Variants in PRDM1 observed in about 807,000 individuals in gnomAD.
PRDM1 encodes the protein PR/SET domain 1, also known as PR domain zinc finger protein 1.
PRDM1 carries 13 observed loss-of-function variants against 62.8 expected under a neutral mutation model. The observed-to-expected ratio is 0.21, with a 90% CI of 0.13 to 0.33. The LOEUF is 0.33. Ranked by LOEUF, PRDM1 falls within the 10% of genes least tolerant of loss-of-function variation. The probability of loss-of-function intolerance (pLI) is 1.00; values close to 1 mark genes in which losing one functional copy is unlikely to be tolerated. For missense variants in PRDM1, 895 were observed against 1,058.8 expected, an observed-to-expected ratio of 0.85 and a Z score of 2.15; for synonymous variants, 396 against 417.6, an observed-to-expected ratio of 0.95 and a Z score of 0.63.
At chr6:105,996,544 T>C (rs578221437) in intron 1 of PRDM1, among the ~76,000 whole-genome samples, 1 of 152,302 alleles carries the variant, frequency 6.6e-6, no homozygotes, top group South Asian at 2.1e-4. Context: ...ATACGTTTTC[T>C]ATAGCATTCA....
intron 4 of PRDM1, chr6:106,099,817 T>C: frequency 2.2e-6 from 1 of 457,468 alleles, no homozygotes; most frequent in Admixed American, 3.8e-5. Flanking sequence ...ATATGTCCAA[T>C]TCTAATTTAT....
intron 1 of PRDM1, among the ~76,000 whole-genome samples, chr6:106,000,086 T>G (rs1446309901): frequency 6.6e-6 from 1 of 152,182 alleles, no homozygotes; most frequent in Non-Finnish European, 1.5e-5. Context: ...CCTGAGCTCG[T>G]GATCTGCCCG....
At position 106,109,112 on chromosome 6, in the gene PRDM1, A is replaced by AC. The variant is rs1435044779; in HGVS notation, c.*1626_*1627insC. ...AGGGCAAAAAAAAAAAAAAAAAAAA[A>AC]AGAACACTCCTTTCTGAGACTTTGC... is the stretch of plus-strand genomic sequence containing the variant. On this transcript the variant is annotated 3_prime_UTR_variant, in exon 7 of 7. Coordinates refer to ENST00000369096, the MANE Select transcript of PRDM1 (RefSeq NM_001198.4). 9.6e-6 allele frequency: 2 copies of AC among 208,166 alleles called. No individual in the cohort carries two copies. Among genetic ancestry groups the AC allele is most frequent in the Non-Finnish European group, 2.0e-5 (2 of 101,938 alleles). 12.9% of individuals were successfully genotyped at this position (208,166 alleles called of 1,614,324 possible).
chr6:106,046,032 A>G (rs568549804), upstream of PRDM1: 9 of 152,018 alleles, frequency 5.9e-5, no homozygotes, highest in East Asian at 1.7e-3. Flanking sequence ...AAATGTCACC[A>G]TTGTTTGAAG....
upstream of PRDM1, among the ~76,000 whole-genome samples, chr6:106,086,021 T>G (rs1773790382): frequency 6.6e-6 from 1 of 152,178 alleles, no homozygotes; most frequent in Non-Finnish European, 1.5e-5. Flanking sequence ...TGTAGGTAAA[T>G]TTTAAGTTTC....
Position 106,107,925 on chromosome 6 carries a change from T to C in PRDM1, c.*439T>C. 1 of 232,376 alleles carries C rather than the reference T, an allele frequency of 4.3e-6. No individual in the cohort carries two copies. The highest frequency in any genetic ancestry group is 6.1e-5 in the East Asian group (1 of 16,366). The allele number at this position is 232,376 out of a possible 1,614,324, so 14.4% of individuals were successfully genotyped here. A position where few individuals can be genotyped will look rare whatever the true frequency, so the allele number is the denominator to read the frequency against. On this transcript the variant is annotated 3_prime_UTR_variant, in exon 7 of 7. Transcript: ENST00000369096. ...AATGACTGGAAAGATTCCTTGTAAT[T>C]TGAGTATAAATGTATTTTTGTCTTG...
At chr6:106,043,890 A>G (rs1773037372), upstream of PRDM1, among the ~76,000 whole-genome samples, 3 of 152,198 alleles carry the variant, frequency 2.0e-5, no homozygotes, top group Admixed American at 2.0e-4. Context: ...TTGCTCAGTG[A>G]CCATCATTGT....
At chr6:106,103,307 T>A (rs1031710636) in intron 4 of PRDM1, among the ~76,000 whole-genome samples, 1 of 152,164 alleles carries the variant, frequency 6.6e-6, no homozygotes, top group African/African-American at 2.4e-5. Flanking sequence ...AGGGTTCAGT[T>A]CTGGAGTTTC....
At chr6:106,071,683 G>C (rs778720608) in intron 1 of PRDM1, among the ~76,000 whole-genome samples, 1 of 151,380 alleles carries the variant, frequency 6.6e-6, no homozygotes, top group African/African-American at 2.4e-5. Flanking sequence ...CCAGTTCTTT[G>C]TTAATCTCAG....
intron 1 of PRDM1, among the ~76,000 whole-genome samples, chr6:106,079,900 T>G (rs190693877): frequency 1.3e-5 from 2 of 152,224 alleles, no homozygotes; most frequent in Admixed American, 1.3e-4. Flanking sequence ...AACCACTCTT[T>G]AGGCTATTGA....
At position 106,106,448 on chromosome 6, in the gene PRDM1, C is replaced by T. The variant is rs1774492603; in HGVS notation, c.1851C>T (p.His617=). 6.2e-7 allele frequency: 1 copy of T among 1,614,050 alleles called. No homozygotes were observed. Among genetic ancestry groups the T allele is most frequent in the South Asian group, 1.1e-5 (1 of 91,082 alleles). ...ACAAGGGCTTTACTCAGCTCGCCCA[C>T]CTGCAGAAACACTACCTGGTACACA... ...TCNKGFTQLA[H]LQKHYLVHTG... is the part of the protein sequence containing the mutation. The change falls in exon 6 of 7, where the codon CAC becomes CAT. Residue 617 remains histidine (H), a synonymous_variant. Coordinates refer to ENST00000369096, the MANE Select transcript of PRDM1 (RefSeq NM_001198.4). This position sits in a 1 kb window ranked among gnomAD's most constrained non-coding sequence, Gnocchi z 4.4.
chr6:106,105,325 T>A lies in PRDM1; in HGVS notation c.1165T>A (p.Tyr389Asn), dbSNP rs1297181071. Residue 389 changes from tyrosine (Y) to asparagine (N), a missense_variant, in exon 5 of 7, where the codon TAC (tyrosine) becomes AAC (asparagine). Physicochemically the swap from Tyr to Asn is moderately radical, Grantham distance 143. Transcript: ENST00000369096. ...CTACGGCACGGAAGGTTTGGGCTCC[T>A]ACCCTGGCTACGCACCCCTGCCCCA... ...ASYGTEGLGSYPGYAPLPHLP... is the reference protein window; with the variant it reads ...ASYGTEGLGSNPGYAPLPHLP... The A allele has an allele frequency of 6.2e-7, 1 of 1,612,914 alleles. No homozygotes were observed.
intron 4 of PRDM1, 80 bp downstream of exon 4, chr6:106,099,632 A>G: frequency 6.5e-7 from 1 of 1,546,644 alleles, no homozygotes; most frequent in Non-Finnish European, 8.8e-7. Flanking sequence ...CATGTTGTTT[A>G]ATTATACGGC....
chr6:106,085,692 G>A (rs1393949865), upstream of PRDM1, among the ~76,000 whole-genome samples: 4 of 152,120 alleles, frequency 2.6e-5, no homozygotes, highest in Non-Finnish European at 5.9e-5. Flanking sequence ...TACACTCCTG[G>A]GAAGTCAGCC....
intron 1 of PRDM1, among the ~76,000 whole-genome samples, chr6:106,042,768 C>A (rs535188073): frequency 4.6e-5 from 7 of 152,212 alleles, no homozygotes; most frequent in African/African-American, 1.7e-4. Flanking sequence ...GGAGTTCTTC[C>A]CGATTTTGGA....
chr6:106,094,099 A>G (rs1774026764), intron 2 of PRDM1, among the ~76,000 whole-genome samples: 2 of 152,238 alleles, frequency 1.3e-5, no homozygotes, highest in Admixed American at 1.3e-4. Context: ...ACTGGTGTAT[A>G]TTGTAACCAA....
At chr6:106,029,568 A>G (rs1413465290) in intron 1 of PRDM1, among the ~76,000 whole-genome samples, 1 of 152,042 alleles carries the variant, frequency 6.6e-6, no homozygotes, top group African/African-American at 2.4e-5. Flanking sequence ...TGAGTAGTCC[A>G]TTGTATGGAT....
chr6:106,082,668 T>C (rs1773713030), upstream of PRDM1, among the ~76,000 whole-genome samples: 1 of 152,152 alleles, frequency 6.6e-6, no homozygotes, highest in South Asian at 2.1e-4. Flanking sequence ...AAGGGAGCTC[T>C]ACTTGTGTTC....
Position 106,105,498 on chromosome 6 carries a change from C to A in PRDM1, c.1338C>A (p.Val446=), listed in dbSNP as rs1289477900. The A allele has an allele frequency of 6.2e-7, 1 of 1,614,062 alleles. No homozygotes were observed. The highest frequency in any genetic ancestry group is 8.5e-7 in the Non-Finnish European group (1 of 1,179,996). ...NFGLFPRLCP[V]YSNLLGGGSL... is the part of the protein sequence containing the mutation. ...GCCTCTTCCCGAGGCTGTGCCCTGT[C>A]TACAGCAATCTCCTCGGTGGGGGCA... The change falls in exon 5 of 7, where the codon GTC becomes GTA. Residue 446 remains valine (V), a synonymous_variant. Transcript: ENST00000369096.
Sources: allele counts gnomAD v4.1 joint callset (sites outside exome capture counted in the v4.1 genomes callset), GRCh38; gene constraint gnomAD v4.1.1; non-coding constraint Gnocchi (gnomAD v3.1); transcripts MANE v1.5; gene names NCBI Gene and HGNC (gene_info 2026-07-23, HGNC 2026-07-21).